Variants in SMC4 observed in about 807,000 individuals in gnomAD.
SMC4 encodes structural maintenance of chromosomes protein 4.
A neutral mutation model predicts 145.6 loss-of-function variants in SMC4; 87 were observed. That is an observed-to-expected ratio of 0.60 (90% CI 0.50 to 0.71). The LOEUF (loss-of-function observed/expected upper bound fraction) is 0.71, where lower values mean the gene tolerates loss of function less well. Ranked by LOEUF, SMC4 falls within the 30% of genes least tolerant of loss-of-function variation. The pLI, the probability that SMC4 is intolerant of heterozygous loss-of-function variation, is 0.00. For synonymous variants in SMC4, 558 were observed against 500.7 expected (o/e 1.11, Z -1.53); for missense variants, 1,447 against 1,537.1 (o/e 0.94, Z 0.98).
rs371568249 is a variant in SMC4, at chr3:160,404,372, A to G, written c.555A>G (p.Val185=). ...TCATTCCTAACAGTAATTTCTATGT[A>G]TCCAGAACGGCCTGCAGAGATAATA... ...YEVIPNSNFY[V]SRTACRDNTS... is the part of the protein sequence containing the mutation. The change falls in exon 5 of 24, where the codon GTA becomes GTG. Residue 185 remains valine (V), a synonymous_variant. Coordinates refer to ENST00000357388, the MANE Select transcript of SMC4 (RefSeq NM_001002800.3). 18 of 1,609,064 alleles carry G rather than the reference A, an allele frequency of 1.1e-5. No individual in the cohort carries two copies. The African/African-American group carries it at 1.5e-4, about 13-fold the overall frequency.
intron 11 of SMC4, among the ~76,000 whole-genome samples, chr3:160,418,723 T>TA (rs1716845139): frequency 6.6e-6 from 1 of 152,070 alleles, no homozygotes; most frequent in South Asian, 2.1e-4. Flanking sequence ...GTACAGTAAG[T>TA]AATAGACATA....
Position 160,416,321 on chromosome 3 carries a change from C to T in SMC4, c.1343C>T (p.Ala448Val). The T allele has an allele frequency of 1.9e-6, 3 of 1,603,706 alleles. No individual in the cohort carries two copies. Among genetic ancestry groups the T allele is most frequent in the Non-Finnish European group, 1.7e-6 (2 of 1,174,442 alleles). Residue 448 changes from alanine to valine, a missense_variant, in exon 10 of 24, where the codon GCC (alanine) becomes GTC (valine). By Grantham distance (64) the Ala-to-Val change is moderately conservative. Coordinates refer to ENST00000357388, the MANE Select transcript of SMC4 (RefSeq NM_001002800.3). ...AATGAAACAACAACCAGAAACAATG[C>T]CCTCGAGAAGGAAAAAGAGAAAGAA... ...IINETTTRNN[A>V]LEKEKEKEEK...
At chr3:160,422,427 G>T (rs2108488198) in intron 13 of SMC4, among the ~76,000 whole-genome samples, 1 of 152,250 alleles carries the variant, frequency 6.6e-6, no homozygotes, top group Middle Eastern at 3.4e-3. Context: ...GTTTTGATTA[G>T]GATTTTCCTG....
chr3:160,433,396 G>C (rs1718631166), intron 23 of SMC4, 187 bp downstream of exon 23: 1 of 542,506 alleles, frequency 1.8e-6, no homozygotes, highest in Admixed American at 3.6e-5. Flanking sequence ...CATTTTGGAG[G>C]AGTAAAATAT....
intron 15 of SMC4, among the ~76,000 whole-genome samples, chr3:160,424,437 A>C (rs1717543209): frequency 6.6e-6 from 1 of 152,328 alleles, no homozygotes; most frequent in Non-Finnish European, 1.5e-5. Flanking sequence ...TTTTCTGATC[A>C]AGAAATTACT....
At chr3:160,413,822 GA>G (rs561040454) in intron 8 of SMC4, 78 of 371,378 alleles carry the variant, frequency 2.1e-4, no homozygotes, top group South Asian at 1.8e-3. Context: ...GAACCGTGGG[GA>G]TGCTACCCCC....
chr3:160,431,921 G>T (rs901698979), intron 21 of SMC4, 96 bp downstream of exon 21: 5 of 1,313,536 alleles, frequency 3.8e-6, no homozygotes, highest in Middle Eastern at 1.9e-4. Context: ...AATGCTGTTG[G>T]CCGGGCGTGG....
At chr3:160,404,917 CTTTGTT>C (rs1264803012) in intron 5 of SMC4, 3 of 349,562 alleles carry the variant, frequency 8.6e-6, no homozygotes, top group African/African-American at 6.5e-5. Flanking sequence ...TATCCTTTTC[CTTTGTT>C]TTTGTTCTTA....
chr3:160,421,017 C>A, intron 13 of SMC4, 116 bp downstream of exon 13: 5 of 769,176 alleles, frequency 6.5e-6, no homozygotes, highest in Non-Finnish European at 9.7e-6. Context: ...GCAAGCTCCG[C>A]CTCCCGGGTT....
intron 11 of SMC4, among the ~76,000 whole-genome samples, chr3:160,419,137 T>C (rs1716898866): frequency 6.6e-6 from 1 of 152,212 alleles, no homozygotes; most frequent in Non-Finnish European, 1.5e-5. Flanking sequence ...ACACCTAATG[T>C]TTTCTTTTAT....
intron 22 of SMC4, 180 bp from the exon 23 acceptor site, chr3:160,432,843 GCTC>G (rs1468297786): frequency 7.1e-6 from 4 of 565,794 alleles, no homozygotes; most frequent in Admixed American, 6.1e-5. Flanking sequence ...TTTGGTATGT[GCTC>G]CTATGTATGC....
At chr3:160,413,342 T>C in intron 7 of SMC4, 131 bp from the exon 8 acceptor site, 1 of 853,124 alleles carries the variant, frequency 1.2e-6, no homozygotes, top group Admixed American at 3.8e-5. Context: ...TTTCCCCTCA[T>C]AGCCTAGGCA....
chr3:160,413,378 T>A (rs917728488), intron 7 of SMC4, 95 bp from the exon 8 acceptor site: 3 of 1,234,920 alleles, frequency 2.4e-6, no homozygotes, highest in Admixed American at 2.8e-5. Flanking sequence ...GTTAATAATA[T>A]TTTAGAAACA....
chr3:160,421,002 T>C (rs1717114274), intron 13 of SMC4, 101 bp downstream of exon 13: 1 of 958,660 alleles, frequency 1.0e-6, no homozygotes. Flanking sequence ...TGATCTTGGC[T>C]CACTGCAAGC....
intron 1 of SMC4, chr3:160,400,324 C>G (rs943010752): frequency 6.6e-6 from 1 of 152,438 alleles, no homozygotes; most frequent in East Asian, 1.9e-4. Flanking sequence ...CAGACGAAAG[C>G]GGGCGGCGAG....
intron 6 of SMC4, 51 bp from the exon 7 acceptor site, chr3:160,412,275 T>C: frequency 2.6e-6 from 4 of 1,523,016 alleles, no homozygotes; most frequent in Non-Finnish European, 3.6e-6. Context: ...TTTAAGTTCA[T>C]ATTGTACATA....
intron 4 of SMC4, 64 bp downstream of exon 4, chr3:160,402,931 A>AT: frequency 1.6e-6 from 2 of 1,226,916 alleles, no homozygotes; most frequent in Non-Finnish European, 2.2e-6. Flanking sequence ...TGCATTACAT[A>AT]TTTTATTTTT....
At chr3:160,420,663 G>T in intron 12 of SMC4, 77 bp from the exon 13 acceptor site, 1 of 1,508,560 alleles carries the variant, frequency 6.6e-7, no homozygotes, top group African/African-American at 1.4e-5. Flanking sequence ...ATTAAAAGAA[G>T]TTTTTAAAAC....
rs750858667 is a variant in SMC4 at position 160,433,886 on chromosome 3, A to G, written c.*77A>G. On this transcript the variant is annotated 3_prime_UTR_variant, in exon 24 of 24. Coordinates refer to ENST00000357388, the MANE Select transcript of SMC4 (RefSeq NM_001002800.3). ...CTATTTGTAAAGGATTATGAGTTGTATAAAATACATACTCCCTAAACTAGA... is the reference window on the plus strand; with the variant it reads ...CTATTTGTAAAGGATTATGAGTTGTGTAAAATACATACTCCCTAAACTAGA... The G allele has an allele frequency of 2.3e-5, 24 of 1,046,666 alleles. No individual in the cohort carries two copies. The highest frequency in any genetic ancestry group is 2.2e-4 in the Middle Eastern group (1 of 4,566). The allele number at this position is 1,046,666 out of a possible 1,614,324, so 64.8% of individuals were successfully genotyped here.
Sources: gnomAD v4.1 joint callset for allele counts (sites outside exome capture counted in the v4.1 genomes callset) on GRCh38, gnomAD v4.1.1 for gene constraint, MANE v1.5 for transcripts, NCBI Gene and HGNC (gene_info 2026-07-23, HGNC 2026-07-21) for gene names.